Variants in RNF213 observed in about 807,000 individuals in gnomAD.
RNF213 encodes E3 ubiquitin-protein ligase RNF213.
RNF213 carries 341 observed loss-of-function variants against 514.4 expected under a neutral mutation model. The observed-to-expected ratio is 0.66, with a 90% CI of 0.61 to 0.73. The LOEUF is 0.73. Among genes scored for constraint, RNF213 ranks in the 30% least tolerant of loss-of-function variants. RNF213 has a pLI of 0.00. For synonymous variants in RNF213, 2,655 were observed against 2,658.2 expected (o/e 1.00, Z 0.04); for missense variants, 5,767 against 6,615.6 (o/e 0.87, Z 4.45).
chr17:80,305,184 CT>C (rs71163950), intron 11 of RNF213, among the ~76,000 whole-genome samples: 56 of 127,312 alleles, frequency 4.4e-4, no homozygotes, highest in East Asian at 6.8e-4. Flanking sequence ...CAGCAGTGAA[CT>C]TTTTTTTTTT....
intron 17 of RNF213, 128 bp from the exon 18 acceptor site, chr17:80,324,902 T>C: frequency 2.2e-6 from 2 of 928,736 alleles, no homozygotes; most frequent in South Asian, 1.6e-5. Flanking sequence ...TTTGCTCTTT[T>C]TGTGGCCTTA....
At chr17:80,331,765 C>T (rs756906218) in intron 20 of RNF213, among the ~76,000 whole-genome samples, 33 of 152,256 alleles carry the variant, frequency 2.2e-4, no homozygotes, top group Non-Finnish European at 4.1e-4. Context: ...TAAATAGGTG[C>T]GTGTTTTCCC....
Position 80,347,312 on chromosome 17 carries a change from A to G in RNF213, c.8977A>G (p.Ile2993Val), listed in dbSNP as rs747494709. ...VLRNFSGKDD[I>V]QALDIFLANL... ...TAGGAACTTCAGTGGCAAGGATGAC[A>G]TCCAAGCTTTGGACATCTTTCTGGC... The change falls in exon 29 of 68, where the codon ATC (isoleucine) becomes GTC (valine). Residue 2993 changes from isoleucine to valine, a missense_variant. By Grantham distance (29) the Ile-to-Val change is conservative. Around this residue, in one of 13 missense-constraint regions of RNF213, gnomAD observed 919 missense variants for 1,121.0 expected, o/e 0.82. Transcript: ENST00000582970. The surrounding 1 kb of genome is among the most constrained non-coding windows in gnomAD (Gnocchi z 7.2). 5.6e-6 allele frequency: 9 copies of G among 1,614,032 alleles called. No homozygotes were observed. The highest frequency in any genetic ancestry group is 7.6e-6 in the Non-Finnish European group (9 of 1,180,022).
At position 80,359,915 on chromosome 17, in the gene RNF213, G is replaced by A. The variant is rs1018701534; in HGVS notation, c.11055-146G>A. 43 of 766,946 alleles carry A rather than the reference G, an allele frequency of 5.6e-5. No homozygotes were observed. In the Admixed American group the frequency reaches 7.4e-4, roughly 13 times the overall value. 47.5% of individuals were successfully genotyped at this position (766,946 alleles called of 1,614,324 possible). A position where few individuals can be genotyped will look rare whatever the true frequency, so the allele number is the denominator to read the frequency against. On this transcript the variant is annotated intron_variant, in intron 37 of 67. Coordinates refer to ENST00000582970, the MANE Select transcript of RNF213 (RefSeq NM_001256071.3). Reference sequence around the variant, plus strand: ...TCTGTCATAACAGAAACCCTGTACTGTGAAACAGATCAGCGCCGTCTGCCT... The same window carrying A: ...TCTGTCATAACAGAAACCCTGTACTATGAAACAGATCAGCGCCGTCTGCCT...
intron 63 of RNF213, among the ~76,000 whole-genome samples, chr17:80,387,353 G>A (rs1002187654): frequency 1.4e-4 from 22 of 152,290 alleles, no homozygotes; most frequent in African/African-American, 4.8e-4. Flanking sequence ...GGATCCACCC[G>A]CCTAGGCCTC....
rs750165407 is a variant in RNF213 at position 80,288,409 on chromosome 17, G to A, written c.810+46G>A. The A allele has an allele frequency of 6.2e-7, 1 of 1,607,016 alleles. No individual in the cohort carries two copies. Among genetic ancestry groups the A allele is most frequent in the South Asian group, 1.1e-5 (1 of 90,940 alleles). Reference sequence around the variant, plus strand: ...GGCCTGGGAGTGGCACTGAGCCCTCGGCACCTGGGCTCTGCTGCAAGGTGC... The same window carrying A: ...GGCCTGGGAGTGGCACTGAGCCCTCAGCACCTGGGCTCTGCTGCAAGGTGC... On this transcript the variant is annotated intron_variant, in intron 4 of 67. Coordinates refer to ENST00000582970, the MANE Select transcript of RNF213 (RefSeq NM_001256071.3). This position sits in a 1 kb window ranked among gnomAD's most constrained non-coding sequence, Gnocchi z 4.9.
Position 80,331,537 on chromosome 17 carries a change from C to T in RNF213, c.3518-469C>T, listed in dbSNP as rs547402004. ...CTGAGTAGCTGGGATTACAGGTGCG[C>T]TCCACCACGCCTGGCTAATTTTTGT... is the stretch of plus-strand genomic sequence containing the variant. On this transcript the variant is annotated intron_variant, in intron 20 of 67. Transcript: ENST00000582970. Among the ~76,000 whole-genome samples, 6 of 152,004 alleles carry T rather than the reference C, an allele frequency of 3.9e-5. No homozygotes were observed. The South Asian group carries it at 1.3e-3, about 32-fold the overall frequency.
At chr17:80,358,051 T>C (rs991469274) in intron 36 of RNF213, among the ~76,000 whole-genome samples, 1 of 152,206 alleles carries the variant, frequency 6.6e-6, no homozygotes, top group East Asian at 1.9e-4. Context: ...TGACAGTTTA[T>C]TAGATGTAGA....
At chr17:80,300,335 G>C (rs2045130817) in intron 11 of RNF213, among the ~76,000 whole-genome samples, 1 of 151,954 alleles carries the variant, frequency 6.6e-6, no homozygotes, top group South Asian at 2.1e-4. Context: ...TGTGATCTCA[G>C]CTCACTGCAG....
intron 17 of RNF213, among the ~76,000 whole-genome samples, chr17:80,322,589 T>G (rs1056856438): frequency 4.0e-5 from 6 of 151,892 alleles, no homozygotes; most frequent in African/African-American, 1.5e-4. Context: ...AAAAAAAATT[T>G]TTTTTCGTAG....
rs1235025413 is a variant in RNF213 at position 80,360,097 on chromosome 17, C to G, written c.11091C>G (p.Asn3697Lys). The change falls in exon 38 of 68, where the codon AAC becomes AAG. Residue 3697 changes from asparagine (N) to lysine (K), a missense_variant. Around this residue, in one of 13 missense-constraint regions of RNF213, gnomAD observed 919 missense variants for 1,121.0 expected, o/e 0.82. Transcript: ENST00000582970. ...AGATGGCCTACATCGTGGTGCAGAA[C>G]CACATGAACCTTTCCGAGAACGCTT... ...KGEMAYIVVQ[N>K]HMNLSENASN... 6.2e-7 allele frequency: 1 copy of G among 1,614,166 alleles called. No homozygotes were observed. The highest frequency in any genetic ancestry group is 8.5e-7 in the Non-Finnish European group (1 of 1,180,024).
rs149232232 is a variant in RNF213 at position 80,340,214 on chromosome 17, C to T, written c.5847C>T (p.Phe1949=). 29 of 1,614,052 alleles carry T rather than the reference C, an allele frequency of 1.8e-5. No homozygotes were observed. The Middle Eastern group carries it at 6.6e-4, about 37-fold the overall frequency. ...LPSAFSQHKV[F]VTPQAPLEAI... ...CTGCCTTCAGCCAGCACAAGGTCTT[C>T]GTCACCCCCCAGGCACCCCTCGAGG... Residue 1949 remains phenylalanine (F), a synonymous_variant, in exon 26 of 68, where the codon TTC becomes TTT. Transcript: ENST00000582970.
intron 8 of RNF213, among the ~76,000 whole-genome samples, chr17:80,294,158 CAT>C (rs1238750334): frequency 6.6e-6 from 1 of 152,206 alleles, no homozygotes; most frequent in African/African-American, 2.4e-5. Flanking sequence ...GGTCTGCACT[CAT>C]ATCGTTTGCA....
rs917763830 is a variant in RNF213, at chr17:80,389,428, C to T, written c.15195+61C>T. On this transcript the variant is annotated intron_variant, in intron 65 of 67. Coordinates refer to ENST00000582970, the MANE Select transcript of RNF213 (RefSeq NM_001256071.3). ...CCTCACCCTGGTCTCCTGCTTCCCGCGAGGGATAGGAGCATTCAGGGAGTG... is the reference window on the plus strand; with the variant it reads ...CCTCACCCTGGTCTCCTGCTTCCCGTGAGGGATAGGAGCATTCAGGGAGTG... 2.5e-5 allele frequency: 37 copies of T among 1,487,802 alleles called. No homozygotes were observed. The Admixed American group carries it at 2.5e-4, about 10-fold the overall frequency. The allele number at this position is 1,487,802 out of a possible 1,614,324, so 92.2% of individuals were successfully genotyped here. A position where few individuals can be genotyped will look rare whatever the true frequency, so the allele number is the denominator to read the frequency against.
Position 80,343,088 on chromosome 17 carries a change from G to A in RNF213, c.5990-44G>A, listed in dbSNP as rs761694802. The A allele has an allele frequency of 2.0e-6, 3 of 1,528,588 alleles. No individual in the cohort carries two copies. Among genetic ancestry groups the A allele is most frequent in the Non-Finnish European group, 2.7e-6 (3 of 1,103,064 alleles). 94.7% of individuals were successfully genotyped at this position (1,528,588 alleles called of 1,614,324 possible). A position where few individuals can be genotyped will look rare whatever the true frequency, so the allele number is the denominator to read the frequency against. On this transcript the variant is annotated intron_variant, in intron 26 of 67. Coordinates refer to ENST00000582970, the MANE Select transcript of RNF213 (RefSeq NM_001256071.3). This position sits in a 1 kb window ranked among gnomAD's most constrained non-coding sequence, Gnocchi z 4.3. ...CTCCCAAAGTGCTAGGATTACAGGT[G>A]TGAGCCACCACTCCCAGCCCTAATT...
chr17:80,346,054 G>A lies in RNF213; in HGVS notation c.7719G>A (p.Pro2573=), dbSNP rs369626421. 6.2e-6 allele frequency: 10 copies of A among 1,614,026 alleles called. No homozygotes were observed. The highest frequency in any genetic ancestry group is 2.7e-5 in the African/African-American group (2 of 74,928). ...TATACCGGGTCCATGCTCTGCCCCCGAGCCTGATTCCTCTGGTGTGGGACT... is the reference window on the plus strand; with the variant it reads ...TATACCGGGTCCATGCTCTGCCCCCAAGCCTGATTCCTCTGGTGTGGGACT... ...QLVYRVHALP[P]SLIPLVWDFG... is the part of the protein sequence containing the mutation. The change falls in exon 29 of 68, where the codon CCG becomes CCA. Residue 2573 remains proline (P), a synonymous_variant. Transcript: ENST00000582970. The surrounding 1 kb of genome is among the most constrained non-coding windows in gnomAD (Gnocchi z 8.1).
chr17:80,312,719 A>G (rs745392081), intron 14 of RNF213, among the ~76,000 whole-genome samples: 3 of 152,078 alleles, frequency 2.0e-5, no homozygotes, highest in Non-Finnish European at 2.9e-5. Flanking sequence ...CAGCCTGGGG[A>G]CCTGCTCATT....
At chr17:80,335,509 C>A (rs2077963334) in intron 22 of RNF213, among the ~76,000 whole-genome samples, 1 of 152,148 alleles carries the variant, frequency 6.6e-6, no homozygotes, top group Non-Finnish European at 1.5e-5. Flanking sequence ...GGGGAATGAT[C>A]TGAGTGTTTC....
intron 18 of RNF213, 83 bp from the exon 19 acceptor site, chr17:80,327,733 G>C: frequency 8.2e-7 from 1 of 1,220,446 alleles, no homozygotes; most frequent in Non-Finnish European, 1.1e-6. Flanking sequence ...CAGAACAAGA[G>C]GTTATCTGGA....
Sources: allele counts gnomAD v4.1 joint callset (sites outside exome capture counted in the v4.1 genomes callset), GRCh38; gene constraint gnomAD v4.1.1; regional missense constraint gnomAD v4.1.1; non-coding constraint Gnocchi (gnomAD v3.1); transcripts MANE v1.5; gene names NCBI Gene and HGNC (gene_info 2026-07-23, HGNC 2026-07-21).